The following WWOX variants were observed in gnomAD, a reference collection of about 807,000 sequenced individuals.
WWOX encodes the protein WW domain-containing oxidoreductase.
A neutral mutation model predicts 46.2 loss-of-function variants in WWOX; 69 were observed. The ratio of observed to expected loss-of-function variants is 1.49; its 90% CI spans 1.23 to 1.82. The LOEUF (loss-of-function observed/expected upper bound fraction) is 1.82. Ranked by LOEUF, WWOX falls within the 40% of genes most tolerant of loss-of-function variation. The pLI, the probability that WWOX is intolerant of heterozygous loss-of-function variation, is 0.00. For missense variants in WWOX, 919 were observed against 542.6 expected (o/e 1.69, Z -6.89); for synonymous variants, 359 against 202.6 (o/e 1.77, Z -6.56).
chr16:78,777,160 A>G (rs1597592435), intron 8 of WWOX, among the ~76,000 whole-genome samples: 1 of 151,454 alleles, frequency 6.6e-6, no homozygotes, highest in Non-Finnish European at 1.5e-5. Flanking sequence ...CCAACATGCC[A>G]TTGTTCAATG....
chr16:79,085,187 C>A (rs547776307), intron 8 of WWOX, among the ~76,000 whole-genome samples: 75 of 152,246 alleles, frequency 4.9e-4, no homozygotes, highest in Non-Finnish European at 7.8e-4. Flanking sequence ...CCATTTCTGT[C>A]TTTGTCTCTC....
At chr16:78,921,436 G>C (rs2045376470) in intron 8 of WWOX, among the ~76,000 whole-genome samples, 1 of 152,188 alleles carries the variant, frequency 6.6e-6, no homozygotes, top group African/African-American at 2.4e-5. Context: ...TGAAGCATTT[G>C]AGCTGCAAAA....
chr16:78,797,409 G>A (rs546365082), intron 8 of WWOX, among the ~76,000 whole-genome samples: 2 of 144,458 alleles, frequency 1.4e-5, no homozygotes, highest in East Asian at 4.2e-4. Context: ...AGGCAGCCCC[G>A]ACAGGTACGA....
chr16:78,309,572 A>G (rs952776811), intron 5 of WWOX, among the ~76,000 whole-genome samples: 25 of 152,172 alleles, frequency 1.6e-4, no homozygotes, highest in African/African-American at 6.0e-4. Flanking sequence ...TTTCCCCTAA[A>G]GTGTATAAAA....
chr16:79,067,723 A>G (rs997026925), intron 8 of WWOX, among the ~76,000 whole-genome samples: 2 of 152,164 alleles, frequency 1.3e-5, no homozygotes, highest in African/African-American at 4.8e-5. Context: ...ACTCATCTGC[A>G]GCTGTATTCG....
intron 7 of WWOX, among the ~76,000 whole-genome samples, chr16:78,426,314 A>C (rs1007245402): frequency 6.6e-6 from 1 of 152,188 alleles, no homozygotes; most frequent in East Asian, 1.9e-4. Flanking sequence ...CCAGTCATCC[A>C]CCAGATGTGG....
chr16:79,128,747 A>G (rs1427157027), intron 8 of WWOX, among the ~76,000 whole-genome samples: 2 of 152,224 alleles, frequency 1.3e-5, no homozygotes, highest in Non-Finnish European at 2.9e-5. Context: ...TTTGTAAGCC[A>G]GTAGGATTCA....
In WWOX at chr16:79,027,501, T is replaced by C. The variant is rs111870183; in HGVS notation, c.1057-184107T>C. Reference sequence around the variant, plus strand: ...CTCCAACTGAATAAGAACTAATGACTTCTGCCTGCCATCATTTTGGAATGT... The same window carrying C: ...CTCCAACTGAATAAGAACTAATGACCTCTGCCTGCCATCATTTTGGAATGT... On this transcript the variant is annotated intron_variant, in intron 8 of 8. Transcript: ENST00000566780. Among the ~76,000 whole-genome samples, 49 of 151,916 alleles carry C rather than the reference T, an allele frequency of 3.2e-4. 2 individuals carry two copies. The highest frequency in any genetic ancestry group is 1.2e-3 in the African/African-American group (48 of 41,196).
chr16:79,186,715 C>T (rs952568493), intron 8 of WWOX, among the ~76,000 whole-genome samples: 1 of 152,038 alleles, frequency 6.6e-6, no homozygotes, highest in African/African-American at 2.4e-5. Context: ...AGTACAGTTG[C>T]CATACCTCAA....
intron 7 of WWOX, among the ~76,000 whole-genome samples, chr16:78,426,470 A>C (rs898863389): frequency 1.3e-5 from 2 of 152,180 alleles, no homozygotes; most frequent in African/African-American, 4.8e-5. Flanking sequence ...GGTGTAATTC[A>C]TGCCTACTTC....
chr16:78,785,734 GAAGT>G (rs2050439294), intron 8 of WWOX, among the ~76,000 whole-genome samples: 1 of 152,104 alleles, frequency 6.6e-6, no homozygotes, highest in Non-Finnish European at 1.5e-5. Flanking sequence ...TTTTTATTAA[GAAGT>G]AAGGCAAAAA....
intron 8 of WWOX, among the ~76,000 whole-genome samples, chr16:78,530,532 C>T (rs1455295292): frequency 6.6e-6 from 1 of 152,304 alleles, no homozygotes; most frequent in South Asian, 2.1e-4. Context: ...GCTGCTTCTC[C>T]TCTTTTCTTC....
intron 5 of WWOX, among the ~76,000 whole-genome samples, chr16:78,214,151 C>A (rs779677990): frequency 1.3e-5 from 2 of 152,120 alleles, no homozygotes; most frequent in African/African-American, 4.8e-5. Flanking sequence ...TGCAGACTGA[C>A]CCCCTGGACC....
intron 8 of WWOX, among the ~76,000 whole-genome samples, chr16:78,841,084 C>T (rs1422404724): frequency 6.6e-6 from 1 of 152,128 alleles, no homozygotes; most frequent in Non-Finnish European, 1.5e-5. Flanking sequence ...CCTGTGCCCC[C>T]AGACATTCAT....
At chr16:79,153,345 C>A (rs2050318277) in intron 8 of WWOX, among the ~76,000 whole-genome samples, 1 of 152,150 alleles carries the variant, frequency 6.6e-6, no homozygotes, top group Admixed American at 6.5e-5. Context: ...CCAAGCCGCC[C>A]TTTCAGTGCG....
intron 8 of WWOX, among the ~76,000 whole-genome samples, chr16:78,440,485 C>A (rs964920265): frequency 7.9e-5 from 12 of 152,192 alleles, no homozygotes; most frequent in Non-Finnish European, 1.2e-4. Context: ...TCAGAACAGC[C>A]AGTGCCTAGA....
intron 8 of WWOX, among the ~76,000 whole-genome samples, chr16:78,499,595 C>G (rs1015971490): frequency 3.3e-5 from 5 of 152,192 alleles, no homozygotes; most frequent in Non-Finnish European, 5.9e-5. Context: ...CCCAGGGCCC[C>G]TTTGCCGGCT....
intron 8 of WWOX, among the ~76,000 whole-genome samples, chr16:79,060,100 T>A (rs2048332048): frequency 6.6e-6 from 1 of 152,188 alleles, no homozygotes; most frequent in East Asian, 1.9e-4. Context: ...GTATAGTTAA[T>A]CCATTGTTGT....
chr16:78,696,703 T>C (rs1307960692), intron 8 of WWOX, among the ~76,000 whole-genome samples: 1 of 152,048 alleles, frequency 6.6e-6, no homozygotes, highest in Non-Finnish European at 1.5e-5. Context: ...GTACAGGTGG[T>C]ATTTGGTTAC....
Sources: gnomAD v4.1 joint callset for allele counts (sites outside exome capture counted in the v4.1 genomes callset) on GRCh38, gnomAD v4.1.1 for gene constraint, MANE v1.5 for transcripts, NCBI Gene and HGNC (gene_info 2026-07-23, HGNC 2026-07-21) for gene names.